Variants in RBFOX1 observed in about 807,000 individuals in gnomAD.
The protein encoded by RBFOX1 is RNA binding fox-1 homolog 1.
RBFOX1 carries 8 observed loss-of-function variants against 57.7 expected under a neutral mutation model. That is an observed-to-expected ratio of 0.14 (90% CI 0.08 to 0.25). RBFOX1 has a LOEUF of 0.25. RBFOX1 is among the 10% of genes least tolerant of loss of function. RBFOX1 has a pLI of 1.00. For synonymous variants in RBFOX1, 326 were observed against 222.4 expected (o/e 1.47, Z -4.15); for missense variants, 611 against 548.5 (o/e 1.11, Z -1.14).
chr16:6,242,129 A>G (rs923158854), intron 1 of RBFOX1, among the ~76,000 whole-genome samples: 9 of 152,312 alleles, frequency 5.9e-5, no homozygotes, highest in East Asian at 1.9e-4. Flanking sequence ...CCATTCATGT[A>G]TAAGTCCTGA....
rs150233011 is a variant in RBFOX1 at position 7,063,277 on chromosome 16, C to A, written c.27+11179C>A. 3.4e-3 allele frequency among the ~76,000 whole-genome samples: 524 copies of A among 152,156 alleles called. 5 individuals carry two copies. The highest frequency in any genetic ancestry group is 0.021 in the East Asian group (106 of 5,134). The stretch of plus-strand genomic sequence containing the variant: ...AGGGTCTTTGGAACTCTGTCCTTCC[C>A]TGTAGGAGTAAGATATTCCCCCCAA... On this transcript the variant is annotated intron_variant, in intron 4 of 15. Coordinates refer to ENST00000550418, the MANE Select transcript of RBFOX1 (RefSeq NM_018723.4).
rs148160928 is a variant in RBFOX1, at chr16:6,880,984, G to A, written c.-15-171073G>A. On this transcript the variant is annotated intron_variant, in intron 3 of 15. Transcript: ENST00000550418. ...AACAGTTTTTCAAGATGAATACACA[G>A]TGAGAGCCTAGGCAGGGCTGAAAAA... 6.7e-3 allele frequency among the ~76,000 whole-genome samples: 1,023 copies of A among 152,274 alleles called. 10 individuals carry two copies. The highest frequency in any genetic ancestry group is 0.023 in the African/African-American group (968 of 41,560).
Position 5,755,592 on chromosome 16 carries a change from T to C in RBFOX1, c.319-111711T>C, listed in dbSNP as rs138308745. ...TTGATCAACTTCCATCTAATTACTT[T>C]TGTTTGTTTGTTTATTTTTTCTTGA... On this transcript the variant is annotated intron_variant, in intron 3 of 19. Transcript: ENST00000641259. Among the ~76,000 whole-genome samples the C allele has an allele frequency of 5.3e-5, 8 of 152,166 alleles. No homozygotes were observed. The East Asian group carries it at 1.5e-3, about 29-fold the overall frequency.
At chr16:6,876,908 TGGGTACACTATTCTGACC>T (rs1459786155) in intron 3 of RBFOX1, among the ~76,000 whole-genome samples, 1 of 152,222 alleles carries the variant, frequency 6.6e-6, no homozygotes, top group Non-Finnish European at 1.5e-5. Context: ...CACCAAGTAC[TGGGTACACTATTCTGACC>T]TTTTTTCAAG....
chr16:5,685,808 G>A (rs1227128930), intron 3 of RBFOX1, among the ~76,000 whole-genome samples: 1 of 152,188 alleles, frequency 6.6e-6, no homozygotes, highest in Non-Finnish European at 1.5e-5. Flanking sequence ...TAACAGATCT[G>A]AAGATGTATG....
chr16:7,250,640 A>G (rs1226087990), intron 4 of RBFOX1, among the ~76,000 whole-genome samples: 1 of 152,258 alleles, frequency 6.6e-6, no homozygotes, highest in Non-Finnish European at 1.5e-5. Flanking sequence ...GCAAGCATTT[A>G]GAGGAGTGCA....
At chr16:6,785,248 A>C (rs531255189) in intron 3 of RBFOX1, among the ~76,000 whole-genome samples, 3 of 152,228 alleles carry the variant, frequency 2.0e-5, no homozygotes, top group Non-Finnish European at 4.4e-5. Flanking sequence ...CGTAACTAAC[A>C]TAAGAGTTTA....
chr16:6,560,910 C>T (rs2097171402), intron 2 of RBFOX1, among the ~76,000 whole-genome samples: 1 of 152,074 alleles, frequency 6.6e-6, no homozygotes, highest in Non-Finnish European at 1.5e-5. Flanking sequence ...GAATGCAGGC[C>T]ACATCAAGAT....
intron 3 of RBFOX1, among the ~76,000 whole-genome samples, chr16:7,017,291 A>T (rs1295780403): frequency 6.6e-6 from 1 of 152,190 alleles, no homozygotes; most frequent in Non-Finnish European, 1.5e-5. Context: ...ATGATGGCAA[A>T]TAATGGAAAT....
intron 14 of RBFOX1, among the ~76,000 whole-genome samples, chr16:7,681,490 T>C (rs181798228): frequency 6.6e-6 from 1 of 152,160 alleles, no homozygotes; most frequent in East Asian, 1.9e-4. Context: ...GATTAAGTAG[T>C]AGAGAAAGGC....
chr16:7,525,676 T>C (rs1600873392), intron 5 of RBFOX1, among the ~76,000 whole-genome samples: 1 of 152,162 alleles, frequency 6.6e-6, no homozygotes, highest in Non-Finnish European at 1.5e-5. Context: ...TTTAGAATTG[T>C]TGGGTGTCCT....
intron 1 of RBFOX1, among the ~76,000 whole-genome samples, chr16:6,277,558 GC>G (rs567831531): frequency 1.3e-3 from 190 of 150,558 alleles, no homozygotes; most frequent in Admixed American, 2.6e-3. Flanking sequence ...GATCGCTTGA[GC>G]CCAGGAGTTG....
intron 4 of RBFOX1, among the ~76,000 whole-genome samples, chr16:7,139,002 C>T (rs930702853): frequency 1.3e-5 from 2 of 152,076 alleles, no homozygotes; most frequent in African/African-American, 4.8e-5. Context: ...CAGGTTTTTA[C>T]CATTTTGAGC....
chr16:7,491,676 G>C (rs2067025186), intron 4 of RBFOX1, among the ~76,000 whole-genome samples: 1 of 151,968 alleles, frequency 6.6e-6, no homozygotes, highest in African/African-American at 2.4e-5. Flanking sequence ...TGTCACCCAG[G>C]CTGGAGTGCA....
chr16:6,944,954 C>G (rs528807303), intron 3 of RBFOX1, among the ~76,000 whole-genome samples: 38 of 152,134 alleles, frequency 2.5e-4, no homozygotes, highest in Non-Finnish European at 5.1e-4. Context: ...AAGTGGCTGA[C>G]TGCTGTATGG....
At chr16:6,752,718 C>G (rs1038329657) in intron 3 of RBFOX1, among the ~76,000 whole-genome samples, 5 of 152,152 alleles carry the variant, frequency 3.3e-5, no homozygotes, top group Admixed American at 2.6e-4. Flanking sequence ...GTGCACCTAT[C>G]TTGATTTCAA....
chr16:7,696,860 T>TGACC (rs1477572671), intron 14 of RBFOX1, among the ~76,000 whole-genome samples: 1 of 152,116 alleles, frequency 6.6e-6, no homozygotes, highest in African/African-American at 2.4e-5. Flanking sequence ...AGTGAACGTG[T>TGACC]GACCCATGAA....
At chr16:6,767,929 T>TAAG (rs1388686342) in intron 3 of RBFOX1, among the ~76,000 whole-genome samples, 93 of 88,446 alleles carry the variant, frequency 1.1e-3, no homozygotes, top group African/African-American at 5.0e-3. Context: ...ATAATAATAA[T>TAAG]AATAATAATA....
chr16:7,344,899 C>G (rs760298033), intron 4 of RBFOX1, among the ~76,000 whole-genome samples: 2 of 152,198 alleles, frequency 1.3e-5, no homozygotes, highest in East Asian at 1.9e-4. Context: ...GAGCAGAAGG[C>G]TAATGCGATA....
Sources: allele counts gnomAD v4.1 joint callset (sites outside exome capture counted in the v4.1 genomes callset), GRCh38; gene constraint gnomAD v4.1.1; transcripts MANE v1.5; gene names NCBI Gene and HGNC (gene_info 2026-07-23, HGNC 2026-07-21).